Variants in BNC2 observed in about 807,000 individuals in gnomAD.
BNC2 encodes basonuclin zinc finger protein 2.
In BNC2, 20 loss-of-function variants were observed where a neutral mutation model predicts 76.3. The observed-to-expected ratio is 0.26, with a 90% CI of 0.18 to 0.38. The LOEUF is 0.38. Ranked by LOEUF, BNC2 falls within the 10% of genes least tolerant of loss-of-function variation. BNC2 has a pLI of 1.00. For missense variants in BNC2, 1,382 were observed against 1,399.8 expected (o/e 0.99, Z 0.20); for synonymous variants, 582 against 514.8 (o/e 1.13, Z -1.77).
chr9:16,822,823 A>C (rs757073226), intron 1 of BNC2, among the ~76,000 whole-genome samples: 2 of 152,248 alleles, frequency 1.3e-5, no homozygotes, highest in Non-Finnish European at 2.9e-5. Flanking sequence ...AAATCTAATC[A>C]AACGTTCCAA....
At chr9:16,728,242 A>C (rs1824408595) in intron 2 of BNC2, 1 of 570,102 alleles carries the variant, frequency 1.8e-6, no homozygotes, top group Non-Finnish European at 3.2e-6. Flanking sequence ...GCGGCACTGG[A>C]GACCCAACCA....
chr9:16,749,282 A>C (rs1587377778), intron 1 of BNC2, among the ~76,000 whole-genome samples: 1 of 152,226 alleles, frequency 6.6e-6, no homozygotes, highest in African/African-American at 2.4e-5. Context: ...AAGTCTACAA[A>C]TCAGTACACG....
At chr9:16,677,881 C>T (rs977019079) in intron 3 of BNC2, among the ~76,000 whole-genome samples, 2 of 152,104 alleles carry the variant, frequency 1.3e-5, no homozygotes, top group African/African-American at 2.4e-5. Flanking sequence ...CCAATGGTCA[C>T]ACAACTTTAT....
chr9:16,419,211 G>A lies in BNC2; in HGVS notation c.3078C>T (p.Ser1026=), dbSNP rs758679499. 1 of 1,614,078 alleles carries A rather than the reference G, an allele frequency of 6.2e-7. No homozygotes were observed. The highest frequency in any genetic ancestry group is 8.5e-7 in the Non-Finnish European group (1 of 1,180,056). Residue 1026 remains serine, a synonymous_variant, in exon 7 of 7, where the codon AGC becomes AGT. Transcript: ENST00000380672. ...TCCCACCATTGCTCCCAGACAAGCT[G>A]CTGAACATAAGAGATCCTGAAACTT... ...GAEVSGSLMF[S]SLSGSNGGIM... is the part of the protein sequence containing the mutation.
chr9:16,860,590 CTT>C (rs1471871465), intron 1 of BNC2, among the ~76,000 whole-genome samples: 6 of 151,994 alleles, frequency 3.9e-5, no homozygotes, highest in Admixed American at 2.6e-4. Flanking sequence ...CTGTAAGACA[CTT>C]ATCAAAAAAA....
chr9:16,578,629 G>A (rs1216301177), intron 4 of BNC2, among the ~76,000 whole-genome samples: 1 of 150,780 alleles, frequency 6.6e-6, no homozygotes, highest in Admixed American at 6.6e-5. Flanking sequence ...CTACTCTAGT[G>A]TGGAGGCAAA....
chr9:16,412,882 T>A lies in BNC2; in HGVS notation c.*6107A>T, dbSNP rs1820503640. ...AGGCAATTACGCATCCTTTTATATT[T>A]GATGGCCAAGTGCTGAACTGGAAAG... On this transcript the variant is annotated 3_prime_UTR_variant, in exon 7 of 7. Transcript: ENST00000380672. 1 of 152,614 alleles carries A rather than the reference T, an allele frequency of 6.6e-6. No individual in the cohort carries two copies. The allele number at this position is 152,614 out of a possible 1,614,324, so 9.5% of individuals were successfully genotyped here.
chr9:16,562,414 C>A (rs565202632), intron 4 of BNC2, among the ~76,000 whole-genome samples: 3 of 152,280 alleles, frequency 2.0e-5, no homozygotes, highest in African/African-American at 7.2e-5. Context: ...ATTTTCCTGT[C>A]CCTACAAAAT....
chr9:16,463,342 G>C (rs1821628349), intron 5 of BNC2, among the ~76,000 whole-genome samples: 1 of 124,358 alleles, frequency 8.0e-6, no homozygotes, highest in South Asian at 2.5e-4. Flanking sequence ...TGTCGCCCAG[G>C]CTGGAGTGCA....
chr9:16,632,873 C>T (rs1767648846), intron 3 of BNC2, among the ~76,000 whole-genome samples: 1 of 152,224 alleles, frequency 6.6e-6, no homozygotes, highest in South Asian at 2.1e-4. Context: ...TAAAGCAATA[C>T]TCTTAGGGAA....
rs577609832 is a variant in BNC2, at chr9:16,790,240, G to A, written c.4-51755C>T. ...TCTGGATCTACTGACCTCGTGATCC[G>A]CCCGCCTCGGCCTCCCAAAGTGCTG... On this transcript the variant is annotated intron_variant, in intron 1 of 6. Coordinates refer to ENST00000380672, the MANE Select transcript of BNC2 (RefSeq NM_017637.6). Among the ~76,000 whole-genome samples, 6 of 152,204 alleles carry A rather than the reference G, an allele frequency of 3.9e-5. No individual in the cohort carries two copies. The South Asian group carries it at 8.3e-4, about 21-fold the overall frequency.
At chr9:16,709,291 CA>C (rs1823766835) in intron 3 of BNC2, among the ~76,000 whole-genome samples, 1 of 152,176 alleles carries the variant, frequency 6.6e-6, no homozygotes, top group Non-Finnish European at 1.5e-5. Flanking sequence ...TACCATCCGT[CA>C]AAAGTGACAC....
At chr9:16,687,519 G>A (rs1166822944) in intron 3 of BNC2, among the ~76,000 whole-genome samples, 2 of 152,030 alleles carry the variant, frequency 1.3e-5, no homozygotes, top group African/African-American at 2.4e-5. Context: ...AATGAGTTCT[G>A]CAACAGTAAT....
chr9:16,530,189 T>C (rs1817934125), intron 5 of BNC2, among the ~76,000 whole-genome samples: 1 of 152,002 alleles, frequency 6.6e-6, no homozygotes, highest in Non-Finnish European at 1.5e-5. Flanking sequence ...TAAAAAAGCC[T>C]TTCTAAGGTT....
chr9:16,645,243 T>C (rs1383745140), intron 3 of BNC2, among the ~76,000 whole-genome samples: 1 of 152,188 alleles, frequency 6.6e-6, no homozygotes, highest in Admixed American at 6.5e-5. Context: ...CTTCTAACTC[T>C]ATATTGCTGT....
Position 16,606,431 on chromosome 9 carries a change from TG to T in BNC2, c.331-23347del, listed in dbSNP as rs370235366. Among the ~76,000 whole-genome samples the T allele has an allele frequency of 2.2e-4, 34 of 152,272 alleles. No homozygotes were observed. The East Asian group carries it at 6.4e-3, about 29-fold the overall frequency. ...TCTTGTAGCTCCCATAATTCCCACA[TG>T]TTGTGGGACAGACCCATGGGAGATG... On this transcript the variant is annotated intron_variant, in intron 3 of 6. Transcript: ENST00000380672.
At chr9:16,467,687 T>A (rs1437525291) in intron 5 of BNC2, among the ~76,000 whole-genome samples, 2 of 127,712 alleles carry the variant, frequency 1.6e-5, no homozygotes, top group African/African-American at 3.0e-5. Context: ...TGTGGTGGGG[T>A]CGTGGGAGGG....
At chr9:16,525,680 G>A (rs1384203799) in intron 5 of BNC2, among the ~76,000 whole-genome samples, 1 of 152,124 alleles carries the variant, frequency 6.6e-6, no homozygotes, top group Non-Finnish European at 1.5e-5. Flanking sequence ...AAAGAATGAG[G>A]TAGCTCTTTA....
At chr9:16,743,056 C>A (rs1824895561) in intron 1 of BNC2, among the ~76,000 whole-genome samples, 1 of 152,184 alleles carries the variant, frequency 6.6e-6, no homozygotes. Context: ...TTACCAAGAA[C>A]CCATGCTCAT....
Sources: gnomAD v4.1 joint callset for allele counts (sites outside exome capture counted in the v4.1 genomes callset) on GRCh38, gnomAD v4.1.1 for gene constraint, MANE v1.5 for transcripts, NCBI Gene and HGNC (gene_info 2026-07-23, HGNC 2026-07-21) for gene names.